Variants in INSL5 observed in about 807,000 individuals in gnomAD.
The protein encoded by INSL5 is insulin-like peptide INSL5.
Under a neutral mutation model 4.3 loss-of-function variants are expected in INSL5, and 3 were observed. The ratio of observed to expected loss-of-function variants is 0.70; its 90% confidence interval spans 0.32 to 1.82. INSL5 has a LOEUF of 1.82. Among genes scored for constraint, INSL5 ranks in the 40% most tolerant of loss-of-function variants. The pLI is 0.08. For synonymous variants in INSL5, 68 were observed against 56.6 expected (o/e 1.20, Z -0.90); for missense variants, 168 against 160.9 (o/e 1.04, Z -0.24).
chr1:66,798,059 C>A lies in INSL5; in HGVS notation c.362G>T (p.Cys121Phe), dbSNP rs766183425. 3.2e-5 allele frequency: 51 copies of A among 1,613,990 alleles called. No homozygotes were observed. Among genetic ancestry groups the A allele is most frequent in the Non-Finnish European group, 4.2e-5 (50 of 1,180,012 alleles). The change falls in exon 2 of 2, where the codon TGT (cysteine) becomes TTT (phenylalanine). Residue 121 changes from cysteine (C) to phenylalanine (F), a missense_variant. Cys to Phe is a radical substitution (Grantham distance 205). Transcript: ENST00000304526. The part of the protein sequence containing the change: ...VMSRQDLQTL[C>F]CTDGCSMTDL... ...AGTCATGGAACAGCCATCAGTGCAA[C>A]ACAAAGTTTGTAAATCTTGTCTTGA... is the stretch of plus-strand genomic sequence containing the variant.
In INSL5 at chr1:66,798,040, G is replaced by A; in HGVS notation, c.381C>T (p.Ser127=). 6.2e-7 allele frequency: 1 copy of A among 1,613,720 alleles called. No individual in the cohort carries two copies. The highest frequency in any genetic ancestry group is 8.5e-7 in the Non-Finnish European group (1 of 1,179,682). ...AGCAAAGAGCACTCAAATCAGTCATGGAACAGCCATCAGTGCAACACAAAG... is the reference window on the plus strand; with the variant it reads ...AGCAAAGAGCACTCAAATCAGTCATAGAACAGCCATCAGTGCAACACAAAG... The part of the protein sequence containing the change: ...LQTLCCTDGC[S]MTDLSALC Residue 127 remains serine (S), a synonymous_variant, in exon 2 of 2, where the codon TCC becomes TCT. Transcript: ENST00000304526.
chr1:66,799,596 G>A (rs983984870), intron 1 of INSL5, among the ~76,000 whole-genome samples: 1 of 152,118 alleles, frequency 6.6e-6, no homozygotes, highest in Non-Finnish European at 1.5e-5. Flanking sequence ...TAGATTTCAA[G>A]TGTCCTCATC....
intron 1 of INSL5, 135 bp downstream of exon 1, chr1:66,800,907 TTAATC>T (rs1383992248): frequency 1.7e-6 from 1 of 584,200 alleles, no homozygotes; most frequent in Non-Finnish European, 2.9e-6. Flanking sequence ...ATTTTGATAA[TTAATC>T]CCTTAAATTG....
chr1:66,801,198 C>G lies in INSL5; in HGVS notation c.24G>C (p.Leu8=). ...TGGCAAATAGGACAGAGAATAAAAA[C>G]AGAGTGAAAATGGAGCCCTTCATTT... MKGSIFT[L]FLFSVLFAIS... The change falls in exon 1 of 2, where the codon CTG becomes CTC. Residue 8 remains leucine, a synonymous_variant. Coordinates refer to ENST00000304526, the MANE Select transcript of INSL5 (RefSeq NM_005478.6). 6.2e-7 allele frequency: 1 copy of G among 1,613,392 alleles called. No individual in the cohort carries two copies. The highest frequency in any genetic ancestry group is 8.5e-7 in the Non-Finnish European group (1 of 1,179,524).
chr1:66,799,550 T>C (rs1174418400), intron 1 of INSL5, among the ~76,000 whole-genome samples: 1 of 152,178 alleles, frequency 6.6e-6, no homozygotes, highest in African/African-American at 2.4e-5. Context: ...CTATAGTTAA[T>C]AAAAATGCAT....
intron 1 of INSL5, among the ~76,000 whole-genome samples, chr1:66,799,514 A>T (rs1645361372): frequency 6.6e-6 from 1 of 152,212 alleles, no homozygotes; most frequent in Non-Finnish European, 1.5e-5. Context: ...GAATAATTTC[A>T]AGAAGTCTAT....
chr1:66,797,771 G>T lies in INSL5; in HGVS notation c.*242C>A. ...TATAGCATTTTTATTGCAATTTTGC[G>T]CAGCATTTGAAATTTCAAAGCATTA... On this transcript the variant is annotated 3_prime_UTR_variant, in exon 2 of 2. Transcript: ENST00000304526. 5.5e-6 allele frequency: 2 copies of T among 365,680 alleles called. No individual in the cohort carries two copies. Among genetic ancestry groups the T allele is most frequent in the South Asian group, 8.2e-5 (1 of 12,142 alleles). 22.7% of individuals were successfully genotyped at this position (365,680 alleles called of 1,614,324 possible).
At chr1:66,800,198 C>T (rs535045121) in intron 1 of INSL5, among the ~76,000 whole-genome samples, 3 of 152,108 alleles carry the variant, frequency 2.0e-5, no homozygotes, top group African/African-American at 4.8e-5. Context: ...GCCGCTTCAC[C>T]GTTTCTGAAA....
At chr1:66,800,249 A>G (rs2100240062) in intron 1 of INSL5, among the ~76,000 whole-genome samples, 1 of 152,148 alleles carries the variant, frequency 6.6e-6, no homozygotes, top group East Asian at 1.9e-4. Flanking sequence ...CTGATCAGAC[A>G]ATTCCTACTA....
Position 66,798,253 on chromosome 1 carries a change from G to C in INSL5, c.176-8C>G, listed in dbSNP as rs1316928122. The stretch of plus-strand genomic sequence containing the variant: ...AGGAGTTTCCTGTCTCAGCTGTATG[G>C]AAGAGAAAAAAATAATACATCCTTA... On this transcript the variant is annotated splice_polypyrimidine_tract_variant and splice_region_variant and intron_variant, in intron 1 of 1. Transcript: ENST00000304526. 2 of 1,602,632 alleles carry C rather than the reference G, an allele frequency of 1.2e-6. No individual in the cohort carries two copies. The highest frequency in any genetic ancestry group is 2.7e-5 in the African/African-American group (2 of 74,496).
In INSL5 at chr1:66,798,146, C is replaced by T. The variant is rs137866143; in HGVS notation, c.275G>A (p.Arg92His). 76 of 1,614,114 alleles carry T rather than the reference C, an allele frequency of 4.7e-5. No homozygotes were observed. Among genetic ancestry groups the T allele is most frequent in the Admixed American group, 1.8e-4 (11 of 60,008 alleles). The change falls in exon 2 of 2, where the codon CGT (arginine) becomes CAT (histidine). Residue 92 changes from arginine to histidine, a missense_variant. Physicochemically the swap from Arg to His is conservative, Grantham distance 29. Coordinates refer to ENST00000304526, the MANE Select transcript of INSL5 (RefSeq NM_005478.6). ...LPKVDASGED[R>H]LWGGQMPTEE... ...AGTGGGCATCTGTCCACCCCAAAGA[C>T]GGTCTTCCCCTGAGGCATCCACCTT...
At position 66,801,191 on chromosome 1, in the gene INSL5, A is replaced by G. The variant is rs144353627; in HGVS notation, c.31T>C (p.Phe11Leu). MKGSIFTLFLFSVLFAISEVR... is the reference protein window; with the variant it reads MKGSIFTLFLLSVLFAISEVR... ...TCTGAGATGGCAAATAGGACAGAGA[A>G]TAAAAACAGAGTGAAAATGGAGCCC... The change falls in exon 1 of 2, where the codon TTC becomes CTC. Residue 11 changes from phenylalanine (F) to leucine (L), a missense_variant. By Grantham distance (22) the Phe-to-Leu change is conservative. Coordinates refer to ENST00000304526, the MANE Select transcript of INSL5 (RefSeq NM_005478.6). 109 of 1,613,568 alleles carry G rather than the reference A, an allele frequency of 6.8e-5. No individual in the cohort carries two copies. In the African/African-American group the frequency reaches 1.4e-3, roughly 21 times the overall value.
intron 1 of INSL5, among the ~76,000 whole-genome samples, chr1:66,800,301 C>T (rs975398090): frequency 1.3e-5 from 2 of 152,034 alleles, no homozygotes; most frequent in Admixed American, 6.6e-5. Flanking sequence ...TCCATAATCC[C>T]CAAATCCTTC....
intron 1 of INSL5, among the ~76,000 whole-genome samples, chr1:66,799,704 T>C (rs573666658): frequency 6.6e-6 from 1 of 152,302 alleles, no homozygotes; most frequent in Admixed American, 6.5e-5. Context: ...AAACAATATG[T>C]TGTACACAAT....
intron 1 of INSL5, among the ~76,000 whole-genome samples, chr1:66,798,786 G>C (rs72671649): frequency 6.6e-6 from 1 of 152,122 alleles, no homozygotes; most frequent in Admixed American, 6.5e-5. Context: ...ACACCAGCAG[G>C]CACCATGAAA....
chr1:66,800,667 G>A (rs983156782), intron 1 of INSL5, among the ~76,000 whole-genome samples: 4 of 152,070 alleles, frequency 2.6e-5, no homozygotes, highest in East Asian at 1.9e-4. Flanking sequence ...AACAACTGCC[G>A]GAATTCTAAC....
Position 66,798,185 on chromosome 1 carries a change from G to C in INSL5, c.236C>G (p.Ala79Gly). ...HKREFSEENP[A>G]QNLPKVDASG... ...GGCATCCACCTTCGGAAGGTTTTGC[G>C]CTGGATTTTCCTCAGAAAACTCACG... Residue 79 changes from alanine to glycine, a missense_variant, in exon 2 of 2, where the codon GCG (alanine) becomes GGG (glycine). Physicochemically the swap from Ala to Gly is moderately conservative, Grantham distance 60. Transcript: ENST00000304526. 6.2e-7 allele frequency: 1 copy of C among 1,614,098 alleles called. No individual in the cohort carries two copies. The highest frequency in any genetic ancestry group is 1.1e-5 in the South Asian group (1 of 91,082).
intron 1 of INSL5, among the ~76,000 whole-genome samples, chr1:66,799,605 T>C (rs963656139): frequency 7.2e-5 from 11 of 152,180 alleles, no homozygotes; most frequent in African/African-American, 2.7e-4. Context: ...AGTGTCCTCA[T>C]CACAAAAACA....
intron 1 of INSL5, among the ~76,000 whole-genome samples, chr1:66,798,732 C>T (rs923191788): frequency 1.3e-5 from 2 of 152,210 alleles, no homozygotes; most frequent in African/African-American, 4.8e-5. Flanking sequence ...ATATAAGCTT[C>T]TCTCACTTTA....
Sources: allele counts gnomAD v4.1 joint callset (sites outside exome capture counted in the v4.1 genomes callset), GRCh38; gene constraint gnomAD v4.1.1; transcripts MANE v1.5; gene names NCBI Gene and HGNC (gene_info 2026-07-23, HGNC 2026-07-21).